The following GPR149 variants were observed in gnomAD, a reference collection of about 807,000 sequenced individuals.
GPR149 encodes probable G protein-coupled receptor 149.
Under a neutral mutation model 50.2 loss-of-function variants are expected in GPR149, and 50 were observed. That is an observed-to-expected ratio of 1.00 (90% CI 0.79 to 1.26). The LOEUF (loss-of-function observed/expected upper bound fraction) is 1.26, where lower values mean the gene tolerates loss of function less well. Among genes scored for constraint, GPR149 ranks in the 50% most tolerant of loss-of-function variants. The probability of loss-of-function intolerance (pLI) is 0.00; values close to 1 mark genes in which losing one functional copy is unlikely to be tolerated. For missense variants in GPR149, 983 were observed against 895.4 expected (o/e 1.10, Z -1.25); for synonymous variants, 405 against 358.2 (o/e 1.13, Z -1.48).
At chr3:154,403,789 G>A (rs370763279) in intron 3 of GPR149, among the ~76,000 whole-genome samples, 3 of 149,124 alleles carry the variant, frequency 2.0e-5, no homozygotes, top group South Asian at 2.1e-4. Flanking sequence ...CTAACTCTAT[G>A]AAAAAAAAAA....
In GPR149 at chr3:154,428,933, T is replaced by C; in HGVS notation, c.683A>G (p.Asn228Ser). Residue 228 changes from asparagine (N) to serine (S), a missense_variant, in exon 1 of 4, where the codon AAC becomes AGC. Asn to Ser is a conservative substitution (Grantham distance 46). Coordinates refer to ENST00000389740, the MANE Select transcript of GPR149 (RefSeq NM_001038705.3). ...CSEEPPRLHS[N>S]YQEISRGASI... ...AGCTCCACGGGAAATTTCCTGGTAGTTGGAGTGGAGTCTCGGCGGCTCCTC... is the reference window on the plus strand; with the variant it reads ...AGCTCCACGGGAAATTTCCTGGTAGCTGGAGTGGAGTCTCGGCGGCTCCTC... 1 of 1,614,076 alleles carries C rather than the reference T, an allele frequency of 6.2e-7. No individual in the cohort carries two copies. Among genetic ancestry groups the C allele is most frequent in the Non-Finnish European group, 8.5e-7 (1 of 1,180,002 alleles).
intron 3 of GPR149, among the ~76,000 whole-genome samples, chr3:154,369,577 A>G (rs1714614872): frequency 6.6e-6 from 1 of 152,200 alleles, no homozygotes; most frequent in African/African-American, 2.4e-5. Flanking sequence ...CGGAAAGAGA[A>G]CGTAAACTCC....
At chr3:154,387,447 T>C (rs949058620) in intron 3 of GPR149, among the ~76,000 whole-genome samples, 1 of 152,174 alleles carries the variant, frequency 6.6e-6, no homozygotes, top group African/African-American at 2.4e-5. Flanking sequence ...GTGAATAATA[T>C]AGGCCATGTC....
intron 3 of GPR149, among the ~76,000 whole-genome samples, chr3:154,402,606 AAAG>A (rs1316235591): frequency 6.6e-6 from 1 of 152,034 alleles, no homozygotes; most frequent in Non-Finnish European, 1.5e-5. Flanking sequence ...CAAGAAAAAA[AAAG>A]CTGTAAGACC....
chr3:154,398,186 G>A (rs910374170), intron 3 of GPR149, among the ~76,000 whole-genome samples: 3 of 152,066 alleles, frequency 2.0e-5, no homozygotes, highest in African/African-American at 7.2e-5. Flanking sequence ...CAGTCAAAGA[G>A]GAAGAAAACA....
intron 3 of GPR149, among the ~76,000 whole-genome samples, chr3:154,400,232 CG>C (rs1460261425): frequency 3.3e-5 from 5 of 151,906 alleles, no homozygotes; most frequent in African/African-American, 1.2e-4. Context: ...GTGATCCACC[CG>C]CCTCGGCCTC....
At position 154,429,091 on chromosome 3, in the gene GPR149, G is replaced by A. The variant is rs199943929; in HGVS notation, c.525C>T (p.Phe175=). ...CCAGGCAGCCCCAGGGCGTGCGCAC[G>A]AAGGCGCCCCAGCCGCACAGCGGGA... ...SALPLCGWGA[F]VRTPWGCLVD... Residue 175 remains phenylalanine, a synonymous_variant, in exon 1 of 4, where the codon TTC becomes TTT. Coordinates refer to ENST00000389740, the MANE Select transcript of GPR149 (RefSeq NM_001038705.3). 3 of 1,613,718 alleles carry A rather than the reference G, an allele frequency of 1.9e-6. No individual in the cohort carries two copies. The highest frequency in any genetic ancestry group is 2.2e-5 in the East Asian group (1 of 44,854).
rs184697767 is a variant in GPR149 at position 154,376,129 on chromosome 3, G to T, written c.1624-37858C>A. On this transcript the variant is annotated intron_variant, in intron 3 of 3. Transcript: ENST00000389740. ...ATGAATCTATTACTCAGTCTATCTA[G>T]CTAGCTAGCTATCATTTATCTATTG... is the stretch of plus-strand genomic sequence containing the variant. Among the ~76,000 whole-genome samples the T allele has an allele frequency of 2.6e-5, 4 of 152,276 alleles. No individual in the cohort carries two copies. In the South Asian group the frequency reaches 6.2e-4, roughly 24 times the overall value.
intron 3 of GPR149, among the ~76,000 whole-genome samples, chr3:154,343,528 T>C (rs919896279): frequency 6.6e-6 from 1 of 152,058 alleles, no homozygotes; most frequent in African/African-American, 2.4e-5. Context: ...ATCTGGAGTA[T>C]GTGTTGGGGT....
chr3:154,421,506 A>C lies in GPR149; in HGVS notation c.1175-19T>G, dbSNP rs755410623. 2 of 1,366,142 alleles carry C rather than the reference A, an allele frequency of 1.5e-6. No homozygotes were observed. The highest frequency in any genetic ancestry group is 2.7e-5 in the South Asian group (2 of 72,906). 84.6% of individuals were successfully genotyped at this position (1,366,142 alleles called of 1,614,324 possible). Reference sequence around the variant, plus strand: ...CTCTTGACTGAGTAAAAATAAAAACAACAGTTTATGGCTAGTAAGGTAGAT... The same window carrying C: ...CTCTTGACTGAGTAAAAATAAAAACCACAGTTTATGGCTAGTAAGGTAGAT... On this transcript the variant is annotated intron_variant, in intron 2 of 3. Transcript: ENST00000389740.
At chr3:154,390,093 C>G (rs1042356767) in intron 3 of GPR149, among the ~76,000 whole-genome samples, 1 of 152,078 alleles carries the variant, frequency 6.6e-6, no homozygotes, top group Admixed American at 6.6e-5. Flanking sequence ...ATTTGAGGGG[C>G]CCCTGGAATC....
chr3:154,359,934 T>C (rs1182299053), intron 3 of GPR149, among the ~76,000 whole-genome samples: 6 of 152,160 alleles, frequency 3.9e-5, no homozygotes, highest in Non-Finnish European at 8.8e-5. Flanking sequence ...ACAGAATCTC[T>C]CTCATCCAGT....
chr3:154,341,334 T>A (rs963725472), intron 3 of GPR149, among the ~76,000 whole-genome samples: 10 of 101,426 alleles, frequency 9.9e-5, no homozygotes, highest in African/African-American at 3.2e-4. Context: ...TATATATATA[T>A]ATATATAAAA....
chr3:154,423,738 T>C (rs1454806416), intron 2 of GPR149, among the ~76,000 whole-genome samples: 1 of 151,836 alleles, frequency 6.6e-6, no homozygotes, highest in Non-Finnish European at 1.5e-5. Flanking sequence ...TCAAAACTAA[T>C]CATTTTTAAG....
At chr3:154,406,651 G>C (rs548638512) in intron 3 of GPR149, among the ~76,000 whole-genome samples, 1 of 152,216 alleles carries the variant, frequency 6.6e-6, no homozygotes, top group East Asian at 1.9e-4. Context: ...TCATATCTAC[G>C]TGTAAGAAAA....
chr3:154,342,488 A>T (rs1713819987), intron 3 of GPR149, among the ~76,000 whole-genome samples: 1 of 152,154 alleles, frequency 6.6e-6, no homozygotes. Flanking sequence ...AGATCACTGA[A>T]ACCTCCACCT....
intron 3 of GPR149, among the ~76,000 whole-genome samples, chr3:154,364,983 A>T: frequency 6.6e-6 from 1 of 152,200 alleles, no homozygotes; most frequent in South Asian, 2.1e-4. Flanking sequence ...GACTTTTTGC[A>T]GTGGCCCCAC....
intron 3 of GPR149, among the ~76,000 whole-genome samples, chr3:154,415,393 C>T (rs1163232935): frequency 2.0e-5 from 3 of 151,912 alleles, no homozygotes; most frequent in Non-Finnish European, 4.4e-5. Flanking sequence ...TATGAAATAT[C>T]TGAAGTAGTT....
intron 3 of GPR149, among the ~76,000 whole-genome samples, chr3:154,389,702 G>A (rs766923050): frequency 9.9e-5 from 15 of 152,104 alleles, no homozygotes; most frequent in Admixed American, 2.6e-4. Flanking sequence ...TGAATCCAAT[G>A]CTCTAATATT....
Sources: gnomAD v4.1 joint callset for allele counts (sites outside exome capture counted in the v4.1 genomes callset) on GRCh38, gnomAD v4.1.1 for gene constraint, MANE v1.5 for transcripts, NCBI Gene and HGNC (gene_info 2026-07-23, HGNC 2026-07-21) for gene names.